The following ADGRG1 variants were observed in gnomAD, a reference collection of about 807,000 sequenced individuals.
The protein encoded by ADGRG1 is adhesion G protein-coupled receptor G1.
A neutral mutation model predicts 73.5 loss-of-function variants in ADGRG1; 53 were observed. The observed-to-expected ratio is 0.72, with a 90% confidence interval of 0.58 to 0.91. The LOEUF is 0.91. Ranked by LOEUF, ADGRG1 falls within the 40% of genes least tolerant of loss-of-function variation. The probability of loss-of-function intolerance (pLI) is 0.00; values close to 1 mark genes in which losing one functional copy is unlikely to be tolerated. For synonymous variants in ADGRG1, 394 were observed against 374.4 expected (o/e 1.05, Z -0.60); for missense variants, 795 against 871.8 (o/e 0.91, Z 1.11).
chr16:57,656,778 G>T (rs1163244379), intron 9 of ADGRG1, among the ~76,000 whole-genome samples, 161 bp downstream of exon 9: 2 of 152,248 alleles, frequency 1.3e-5, no homozygotes, highest in Non-Finnish European at 2.9e-5. Flanking sequence ...GGCTCAGAGA[G>T]GTTAAGCAAT....
chr16:57,660,985 T>C lies in ADGRG1; in HGVS notation c.1664+109T>C. The C allele has an allele frequency of 4.0e-6, 3 of 757,928 alleles. No individual in the cohort carries two copies. In the South Asian group the frequency reaches 4.4e-5, roughly 11 times the overall value. The allele number at this position is 757,928 out of a possible 1,614,324, so 47.0% of individuals were successfully genotyped here. A position where few individuals can be genotyped will look rare whatever the true frequency, so the allele number is the denominator to read the frequency against. On this transcript the variant is annotated intron_variant, in intron 12 of 13. Transcript: ENST00000562631. ...GCCAGGGGACACCTGGGTTCCAGTC[T>C]CCTCGAGGAATTGGCCTGGCAGTGG... is the stretch of plus-strand genomic sequence containing the variant.
chr16:57,628,512 A>G (rs1216741698), upstream of ADGRG1: 1 of 985,456 alleles, frequency 1.0e-6, no homozygotes, highest in East Asian at 1.1e-4. Context: ...CCTCTGAGAA[A>G]TCCATGACTC....
upstream of ADGRG1, chr16:57,628,080 A>T (rs2036215794): frequency 1.0e-6 from 1 of 985,180 alleles, no homozygotes; most frequent in Non-Finnish European, 1.2e-6. Flanking sequence ...GGGGGGACGC[A>T]GGTCAGCCGG....
chr16:57,651,850 T>C (rs2044179337), intron 3 of ADGRG1: 1 of 1,442,068 alleles, frequency 6.9e-7, no homozygotes, highest in East Asian at 2.5e-5. Flanking sequence ...GATGGTTACT[T>C]TGTGGGCAGG....
In ADGRG1 at chr16:57,654,051, AGGAGGACC is replaced by A; in HGVS notation, c.690_697del (p.Glu230AspfsTer53). 6.2e-7 allele frequency: 1 copy of A among 1,614,016 alleles called. No homozygotes were observed. On this transcript the variant is annotated frameshift_variant, in exon 5 of 14. Transcript: ENST00000562631. LOFTEE classifies it high-confidence loss of function. ...TTCATGGGGGACATGGTGTCCTTCG[AGGAGGACC>A]GGATCAACGCCACGGTGTGGAAGCT...
At position 57,642,029 on chromosome 16, in the gene ADGRG1, A is replaced by C. The variant is rs2040969959; in HGVS notation, c.-35-8224A>C. 4 of 940,620 alleles carry C rather than the reference A, an allele frequency of 4.3e-6. No individual in the cohort carries two copies. In the Admixed American group the frequency reaches 2.5e-4, roughly 58 times the overall value. 58.3% of individuals were successfully genotyped at this position (940,620 alleles called of 1,614,324 possible). On this transcript the variant is annotated intron_variant, in intron 1 of 13. Coordinates refer to ENST00000562631, the MANE Select transcript of ADGRG1 (RefSeq NM_201525.4). ...CAGCCTCCCAAGTAGCTGGTACTACAGGCAAGCACTACTACCCCTGGCTTC... is the reference window on the plus strand; with the variant it reads ...CAGCCTCCCAAGTAGCTGGTACTACCGGCAAGCACTACTACCCCTGGCTTC...
At position 57,655,271 on chromosome 16, in the gene ADGRG1, C is replaced by T. The variant is rs1002087836; in HGVS notation, c.769-128C>T. ...GAGGGCTGTCATGAGTCAGGCTTGA[C>T]TTCCTGAAGAAATGGGCTTAGAAGT... On this transcript the variant is annotated intron_variant, in intron 5 of 13. Transcript: ENST00000562631. 7.6e-6 allele frequency: 12 copies of T among 1,571,044 alleles called. No homozygotes were observed. The African/African-American group carries it at 1.5e-4, about 19-fold the overall frequency.
At chr16:57,630,425 G>A (rs1463466338) in intron 1 of ADGRG1, 7 of 985,812 alleles carry the variant, frequency 7.1e-6, no homozygotes, top group Non-Finnish European at 8.4e-6. Flanking sequence ...GCATCACTGT[G>A]GCCCCCTTGC....
At chr16:57,625,427 C>G (rs533035921), upstream of ADGRG1, 1 of 200,800 alleles carries the variant, frequency 5.0e-6, no homozygotes, top group Non-Finnish European at 8.9e-6. Flanking sequence ...CTTCACTTGT[C>G]GGGTTGTGGG....
At chr16:57,644,281 TCACA>T in intron 1 of ADGRG1, 4 of 737,480 alleles carry the variant, frequency 5.4e-6, no homozygotes, top group Non-Finnish European at 6.6e-6. Flanking sequence ...CACACACTCA[TCACA>T]CACTCATGCT....
At chr16:57,623,405 C>A (rs978699981), upstream of ADGRG1, among the ~76,000 whole-genome samples, 3 of 152,216 alleles carry the variant, frequency 2.0e-5, no homozygotes, top group African/African-American at 7.2e-5. Context: ...CCAAGGGAGC[C>A]AGTTAGATGG....
chr16:57,634,368 C>A, intron 1 of ADGRG1: 1 of 985,394 alleles, frequency 1.0e-6, no homozygotes, highest in Non-Finnish European at 1.2e-6. Context: ...CAGCCCTGTG[C>A]CCTCTGCCCA....
intron 1 of ADGRG1, among the ~76,000 whole-genome samples, chr16:57,637,912 G>A (rs17325622): frequency 0.017 from 2,529 of 152,316 alleles, 29 homozygotes; most frequent in Middle Eastern, 0.048. Flanking sequence ...CTTGTAGCTG[G>A]TTGACTGAGA....
chr16:57,656,931 G>A (rs1443721797), intron 9 of ADGRG1, among the ~76,000 whole-genome samples: 1 of 152,186 alleles, frequency 6.6e-6, no homozygotes, highest in Non-Finnish European at 1.5e-5. Context: ...GGCCAAGAGT[G>A]TTTCTAATGA....
intron 6 of ADGRG1, 23 bp from the exon 7 acceptor site, chr16:57,655,853 T>A: frequency 6.2e-7 from 1 of 1,614,074 alleles, no homozygotes; most frequent in Non-Finnish European, 8.5e-7. Context: ...CCCTACTCTC[T>A]TCCTCCAACC....
At chr16:57,652,290 G>C in intron 3 of ADGRG1, 1 of 321,648 alleles carries the variant, frequency 3.1e-6, no homozygotes, top group Non-Finnish European at 4.5e-6. Context: ...GAAGGGAGGA[G>C]CATCAGAAGG....
chr16:57,645,176 A>G, intron 1 of ADGRG1: 1 of 985,434 alleles, frequency 1.0e-6, no homozygotes, highest in Non-Finnish European at 1.2e-6. Flanking sequence ...GTCGTGCCCC[A>G]GCAGCCCACA....
upstream of ADGRG1, chr16:57,628,140 C>A (rs1044409679): frequency 6.1e-4 from 569 of 937,296 alleles, 1 homozygote; most frequent in Non-Finnish European, 6.8e-4. Context: ...CTGTCACCCG[C>A]TCCCTCCCGA....
chr16:57,639,122 A>G (rs2040106835), intron 1 of ADGRG1, among the ~76,000 whole-genome samples: 1 of 151,974 alleles, frequency 6.6e-6, no homozygotes, highest in Admixed American at 6.5e-5. Context: ...AAACTTGCAG[A>G]TTTCATGTAA....
Sources: gnomAD v4.1 joint callset for allele counts (sites outside exome capture counted in the v4.1 genomes callset) on GRCh38, gnomAD v4.1.1 for gene constraint, MANE v1.5 for transcripts, NCBI Gene and HGNC (gene_info 2026-07-23, HGNC 2026-07-21) for gene names.